The following MME variants were observed in gnomAD, a reference collection of about 807,000 sequenced individuals.
MME encodes the protein membrane metalloendopeptidase, also known as neprilysin.
MME carries 98 observed loss-of-function variants against 113.2 expected under a neutral mutation model. The ratio of observed to expected loss-of-function variants is 0.87; its 90% confidence interval spans 0.74 to 1.02. The LOEUF (loss-of-function observed/expected upper bound fraction) is 1.02. Among genes scored for constraint, MME ranks in the 50% least tolerant of loss-of-function variants. The pLI is 0.00. For synonymous variants in MME, 292 were observed against 300.6 expected (o/e 0.97, Z 0.30); for missense variants, 836 against 896.0 (o/e 0.93, Z 0.86).
chr3:155,028,955 C>T (rs1712879721), intron 1 of MME, among the ~76,000 whole-genome samples: 1 of 152,068 alleles, frequency 6.6e-6, no homozygotes, highest in Admixed American at 6.6e-5. Context: ...AACAGAATCA[C>T]AGGTTATGGT....
chr3:155,139,708 G>T (rs7633703), intron 9 of MME, among the ~76,000 whole-genome samples: 2,739 of 152,294 alleles, frequency 0.018, 75 homozygotes, highest in African/African-American at 0.061. Flanking sequence ...GTACTAGGAA[G>T]TTTCTCTGTT....
intron 17 of MME, among the ~76,000 whole-genome samples, chr3:155,162,116 A>C (rs1015088621): frequency 2.0e-5 from 3 of 152,172 alleles, no homozygotes; most frequent in Non-Finnish European, 4.4e-5. Context: ...ATGCAGCTTC[A>C]TTTCAGTCCA....
At chr3:155,147,042 C>G in intron 14 of MME, 102 bp from the exon 15 acceptor site, 2 of 762,362 alleles carry the variant, frequency 2.6e-6, no homozygotes. Flanking sequence ...ATTTTATGAA[C>G]AGTATGGATC....
At chr3:155,108,865 A>G (rs1717923015) in intron 3 of MME, among the ~76,000 whole-genome samples, 1 of 152,132 alleles carries the variant, frequency 6.6e-6, no homozygotes, top group South Asian at 2.1e-4. Context: ...TCAGTTAGCA[A>G]ACTATTGGTA....
At chr3:155,094,744 T>G (rs930737605) in intron 3 of MME, among the ~76,000 whole-genome samples, 5 of 152,208 alleles carry the variant, frequency 3.3e-5, no homozygotes, top group Non-Finnish European at 4.4e-5. Context: ...AATCTGTGTT[T>G]CCTGTAAAGA....
At chr3:155,160,244 C>T in intron 16 of MME, 146 bp from the exon 17 acceptor site, 4 of 687,326 alleles carry the variant, frequency 5.8e-6, no homozygotes, top group African/African-American at 1.8e-5. Flanking sequence ...TGAGCTCTCA[C>T]CTAGTGAACT....
intron 14 of MME, among the ~76,000 whole-genome samples, chr3:155,144,829 A>G (rs942933094): frequency 6.6e-6 from 1 of 152,104 alleles, no homozygotes; most frequent in Non-Finnish European, 1.5e-5. Flanking sequence ...TTTCATAAGA[A>G]TAGGTCTAAG....
intron 3 of MME, among the ~76,000 whole-genome samples, chr3:155,107,446 A>T (rs555831895): frequency 1.3e-5 from 2 of 152,316 alleles, no homozygotes; most frequent in African/African-American, 4.8e-5. Flanking sequence ...TAGATGCCTA[A>T]CCTATTTAAA....
At chr3:155,041,546 A>G (rs927770180) in intron 1 of MME, among the ~76,000 whole-genome samples, 14 of 152,346 alleles carry the variant, frequency 9.2e-5, no homozygotes, top group African/African-American at 3.4e-4. Flanking sequence ...AGATTAATAA[A>G]GCTAATAAGA....
chr3:155,089,767 C>T (rs186468815), intron 3 of MME: 14 of 395,532 alleles, frequency 3.5e-5, no homozygotes, highest in East Asian at 3.0e-4. Flanking sequence ...CACTTGAGGT[C>T]GGGAGTTGAA....
intron 3 of MME, among the ~76,000 whole-genome samples, chr3:155,093,854 TAAA>T (rs200029597): frequency 3.5e-5 from 4 of 113,148 alleles, no homozygotes; most frequent in Non-Finnish European, 5.5e-5. Context: ...AGACTCTGTC[TAAA>T]AAAAAAAAAA....
chr3:155,052,723 G>C (rs138110429), intron 1 of MME, among the ~76,000 whole-genome samples: 3 of 152,304 alleles, frequency 2.0e-5, no homozygotes, highest in Admixed American at 1.3e-4. Context: ...TTGGCATGTC[G>C]TGGAGACATT....
chr3:155,173,788 T>A (rs188869343), intron 22 of MME, among the ~76,000 whole-genome samples: 6 of 152,170 alleles, frequency 3.9e-5, no homozygotes, highest in Admixed American at 1.3e-4. Flanking sequence ...AAACTTTTAG[T>A]TTTAATTTTT....
chr3:155,171,840 G>A (rs1712007639), intron 20 of MME, among the ~76,000 whole-genome samples: 1 of 152,032 alleles, frequency 6.6e-6, no homozygotes, highest in Admixed American at 6.6e-5. Flanking sequence ...CACTTATTTA[G>A]GTCATCCATT....
At chr3:155,084,102 G>T in intron 1 of MME, 56 bp from the exon 2 acceptor site, 1 of 1,372,276 alleles carries the variant, frequency 7.3e-7, no homozygotes, top group East Asian at 2.3e-5. Context: ...TAAGCATTTG[G>T]ACATTTTCTT....
intron 1 of MME, among the ~76,000 whole-genome samples, chr3:155,061,936 C>T (rs1714163794): frequency 6.6e-6 from 1 of 152,232 alleles, no homozygotes. Flanking sequence ...GCTGGGATTA[C>T]AGGCGTGAGC....
intron 8 of MME, among the ~76,000 whole-genome samples, chr3:155,133,060 A>ATATATATATAT (rs1278838107): frequency 1.9e-4 from 17 of 90,172 alleles, no homozygotes; most frequent in African/African-American, 5.4e-4. Context: ...AAAAAAAAAA[A>ATATATATATAT]AAATATATAT....
intron 8 of MME, among the ~76,000 whole-genome samples, chr3:155,130,198 T>C (rs1720031372): frequency 6.6e-6 from 1 of 152,194 alleles, no homozygotes; most frequent in Admixed American, 6.5e-5. Context: ...AGGTTAGTGG[T>C]TTCCAACTCT....
intron 10 of MME, among the ~76,000 whole-genome samples, chr3:155,141,515 C>A (rs1721085465): frequency 6.6e-6 from 1 of 152,096 alleles, no homozygotes; most frequent in Non-Finnish European, 1.5e-5. Flanking sequence ...TCTTTGACTT[C>A]ATAACATCAC....
Sources: allele counts gnomAD v4.1 joint callset (sites outside exome capture counted in the v4.1 genomes callset), GRCh38; gene constraint gnomAD v4.1.1; transcripts MANE v1.5; gene names NCBI Gene and HGNC (gene_info 2026-07-23, HGNC 2026-07-21).